Variants in EPPK1 observed in about 807,000 individuals in gnomAD.
The protein encoded by EPPK1 is epiplakin 1.
For missense variants in EPPK1, 3,823 were observed against 3,673.3 expected, an observed-to-expected ratio of 1.04 and a Z score of -1.05; for synonymous variants, 1,862 against 1,721.2, an observed-to-expected ratio of 1.08 and a Z score of -2.03.
In EPPK1 at chr8:143,869,847, G is replaced by C. The variant is rs571639648; in HGVS notation, c.3407C>G (p.Pro1136Arg). The C allele has an allele frequency of 4.4e-6, 7 of 1,598,998 alleles. No individual in the cohort carries two copies. The highest frequency in any genetic ancestry group is 3.4e-5 in the South Asian group (3 of 88,628). ...GAGGGATGTGCCATCCTTGGCCCCC[G>C]GCACGGCCTGCAGGCTCCTCTGGAC... is the stretch of plus-strand genomic sequence containing the variant. ...EQVQRSLQAV[P>R]GAKDGTSLWD... Residue 1136 changes from proline to arginine, a missense_variant, in exon 2 of 2, where the codon CCG (proline) becomes CGG (arginine). By Grantham distance (103) the Pro-to-Arg change is moderately radical. Coordinates refer to ENST00000615648, the MANE Select transcript of EPPK1 (RefSeq NM_031308.4).
chr8:143,875,948 C>G (rs1819469319), intron 1 of EPPK1, among the ~76,000 whole-genome samples: 1 of 152,048 alleles, frequency 6.6e-6, no homozygotes, highest in Admixed American at 6.5e-5. Context: ...TGGCCCCCAC[C>G]CCCCACCCCC....
rs988880343 is a variant in EPPK1 at position 143,872,616 on chromosome 8, T to C, written c.638A>G (p.Gln213Arg). ...GGCACGCACACACCTTTCCAGCAGCTGGTGGTATGTCAGCCGCTCCAGCGT... is the reference window on the plus strand; with the variant it reads ...GGCACGCACACACCTTTCCAGCAGCCGGTGGTATGTCAGCCGCTCCAGCGT... ...PNTLERLTYH[Q>R]LLERCVRAPG... Residue 213 changes from glutamine to arginine, a missense_variant, in exon 2 of 2, where the codon CAG becomes CGG. By Grantham distance (43) the Gln-to-Arg change is conservative (BLOSUM62 1). Transcript: ENST00000615648. 3.7e-6 allele frequency: 6 copies of C among 1,610,502 alleles called. No individual in the cohort carries two copies. The highest frequency in any genetic ancestry group is 5.1e-6 in the Non-Finnish European group (6 of 1,179,596).
chr8:143,857,871 G>T lies in EPPK1; in HGVS notation c.*116C>A, dbSNP rs1256790746. Reference sequence around the variant, plus strand: ...AACGTTTTCCACAGATAACGAATGGGTAAAACAACAAAATTAAAGAATGAC... The same window carrying T: ...AACGTTTTCCACAGATAACGAATGGTTAAAACAACAAAATTAAAGAATGAC... On this transcript the variant is annotated 3_prime_UTR_variant, in exon 2 of 2. Transcript: ENST00000615648. The T allele has an allele frequency of 1.3e-6, 1 of 749,070 alleles. No individual in the cohort carries two copies. Among genetic ancestry groups the T allele is most frequent in the African/African-American group, 2.3e-5 (1 of 44,426 alleles). 46.4% of individuals were successfully genotyped at this position (749,070 alleles called of 1,614,324 possible).
At position 143,866,889 on chromosome 8, in the gene EPPK1, A is replaced by AGTGTT. The variant is rs781797299; in HGVS notation, c.6360_6364dup (p.Leu2122GlnfsTer7). On this transcript the variant is annotated frameshift_variant, in exon 2 of 2. Coordinates refer to ENST00000615648, the MANE Select transcript of EPPK1 (RefSeq NM_031308.4). LOFTEE classifies it low-confidence loss of function (END_TRUNC). ...GTATTCGGAATTCAGTAGTGCCCAC[A>AGTGTT]GTGTTGGTTTCTGGCCTCTGAACCT... 1.2e-4 allele frequency: 187 copies of AGTGTT among 1,613,020 alleles called. No individual in the cohort carries two copies. Among genetic ancestry groups the AGTGTT allele is most frequent in the Non-Finnish European group, 1.5e-4 (180 of 1,179,882 alleles).
At position 143,873,260 on chromosome 8, in the gene EPPK1, C is replaced by T. The variant is rs781941240; in HGVS notation, c.-7G>A. On this transcript the variant is annotated 5_prime_UTR_variant, in exon 2 of 2. It adds an upstream start codon to the 5' untranslated region. Transcript: ENST00000615648. The stretch of plus-strand genomic sequence containing the variant: ...GCAAGGTGTGGCCACTCATCACACA[C>T]GGCTGGTTATGCAGAGCCTGCTGAG... 43 of 1,540,400 alleles carry T rather than the reference C, an allele frequency of 2.8e-5. No homozygotes were observed. Among genetic ancestry groups the T allele is most frequent in the African/African-American group, 9.6e-5 (7 of 72,560 alleles).
chr8:143,867,623 C>G lies in EPPK1; in HGVS notation c.5631G>C (p.Arg1877Ser). ...GCGTGCTGAGTGCCTGTCCCCCAGTCCTCCCCACACGAAGTGTGTGCAGGG... is the reference window on the plus strand; with the variant it reads ...GCGTGCTGAGTGCCTGTCCCCCAGTGCTCCCCACACGAAGTGTGTGCAGGG... Reference protein sequence around the residue: ...QKTLHTLRVGRTGGQALSTLE... With the variant: ...QKTLHTLRVGSTGGQALSTLE... The change falls in exon 2 of 2, where the codon AGG becomes AGC. Residue 1877 changes from arginine to serine, a missense_variant. Transcript: ENST00000615648. 1 of 1,613,302 alleles carries G rather than the reference C, an allele frequency of 6.2e-7. No individual in the cohort carries two copies.
chr8:143,872,847 G>T lies in EPPK1; in HGVS notation c.407C>A (p.Ala136Asp), dbSNP rs782720515. The T allele has an allele frequency of 1.7e-5, 26 of 1,564,324 alleles. No individual in the cohort carries two copies. The South Asian group carries it at 3.1e-4, about 19-fold the overall frequency. ...YGGEKLALFQ[A>D]IGKEVVDRAL... ...CCTGTCCACAACCTCCTTCCCGATG[G>T]CCTGAAAGAGGGCCAGCTTCTCACC... Residue 136 changes from alanine (A) to aspartate (D), a missense_variant, in exon 2 of 2, where the codon GCC becomes GAC. Physicochemically the swap from Ala to Asp is moderately radical, Grantham distance 126. Transcript: ENST00000615648.
In EPPK1 at chr8:143,870,638, C is replaced by T. The variant is rs1554660852; in HGVS notation, c.2616G>A (p.Thr872=). 10 of 1,606,090 alleles carry T rather than the reference C, an allele frequency of 6.2e-6. No homozygotes were observed. Among genetic ancestry groups the T allele is most frequent in the South Asian group, 3.3e-5 (3 of 90,008 alleles). Residue 872 remains threonine, a synonymous_variant, in exon 2 of 2, where the codon ACG becomes ACA. Transcript: ENST00000615648. The surrounding 1 kb of genome is among the most constrained non-coding windows in gnomAD (Gnocchi z 5.2). ...GCAGCATGATGTCCGCCTGTCTCTG[C>T]GTCTCCGCCTCCAGCAGCTTTGCCA... ...GQVAKLLEAE[T]QRQADIMLPA...
chr8:143,869,027 C>T lies in EPPK1; in HGVS notation c.4227G>A (p.Arg1409=). Residue 1409 remains arginine (R), a synonymous_variant, in exon 2 of 2, where the codon CGG becomes CGA. Coordinates refer to ENST00000615648, the MANE Select transcript of EPPK1 (RefSeq NM_031308.4). ...TGAGCTGCTGGTAGGTCACCTGGTC[C>T]CGCGCACTGGGGTCAAAGAAGAACT... ...DNKFFFDPSA[R]DQVTYQQLRE... is the part of the protein sequence containing the mutation. 6.2e-7 allele frequency: 1 copy of T among 1,610,246 alleles called. No homozygotes were observed. Among genetic ancestry groups the T allele is most frequent in the East Asian group, 2.2e-5 (1 of 44,880 alleles).
intron 1 of EPPK1, among the ~76,000 whole-genome samples, chr8:143,876,109 T>C (rs1204609910): frequency 6.6e-6 from 1 of 152,226 alleles, no homozygotes; most frequent in Non-Finnish European, 1.5e-5. Context: ...AGGCCCATCA[T>C]GTCCCAGGAG....
At position 143,870,261 on chromosome 8, in the gene EPPK1, T is replaced by C. The variant is rs1021086283; in HGVS notation, c.2993A>G (p.Tyr998Cys). ...ACCCTCAGCCCGCTTCAGCCTGCCATACAGCTCCGGCCCCACCACACCCCT... is the reference window on the plus strand; with the variant it reads ...ACCCTCAGCCCGCTTCAGCCTGCCACACAGCTCCGGCCCCACCACACCCCT... ...VRRGVVGPELYGRLKRAEGAI... is the reference protein window; with the variant it reads ...VRRGVVGPELCGRLKRAEGAI... Residue 998 changes from tyrosine to cysteine, a missense_variant, in exon 2 of 2, where the codon TAT (tyrosine) becomes TGT (cysteine). Physicochemically the swap from Tyr to Cys is radical, Grantham distance 194. Transcript: ENST00000615648. The surrounding 1 kb of genome is among the most constrained non-coding windows in gnomAD (Gnocchi z 5.2). 2.5e-6 allele frequency: 4 copies of C among 1,598,012 alleles called. No homozygotes were observed. The highest frequency in any genetic ancestry group is 1.1e-5 in the South Asian group (1 of 89,106).
chr8:143,865,908 C>T lies in EPPK1; in HGVS notation c.7346G>A (p.Gly2449Asp). 2.8e-5 allele frequency: 1 copy of T among 35,914 alleles called. No homozygotes were observed. Among genetic ancestry groups the T allele is most frequent in the Non-Finnish European group, 4.2e-5 (1 of 23,906 alleles). 2.2% of individuals were successfully genotyped at this position (35,914 alleles called of 1,614,324 possible). A position where few individuals can be genotyped will look rare whatever the true frequency, so the allele number is the denominator to read the frequency against. ...GAGCTCCCAGACGGAGACGCTCTGG[C>T]CCTGGAGGGCGCCCGAGCCTGGCGT... ...RVTPGSGALQ[G>D]QSVSVWELLF... Residue 2449 changes from glycine (G) to aspartate (D), a missense_variant, in exon 2 of 2, where the codon GGC (glycine) becomes GAC (aspartate). Physicochemically the swap from Gly to Asp is moderately conservative, Grantham distance 94 (BLOSUM62 -1). Coordinates refer to ENST00000615648, the MANE Select transcript of EPPK1 (RefSeq NM_031308.4).
At position 143,868,558 on chromosome 8, in the gene EPPK1, A is replaced by G. The variant is rs782104048; in HGVS notation, c.4696T>C (p.Ser1566Pro). Reference sequence around the variant, plus strand: ...GCAATGAAGTTGCCTCCCTCCAGGGACCGCTTCACGCTGTCCATCTCCGCC... The same window carrying G: ...GCAATGAAGTTGCCTCCCTCCAGGGGCCGCTTCACGCTGTCCATCTCCGCC... Reference protein sequence around the residue: ...EVAEMDSVKRSLEGGNFIAGV... With the variant: ...EVAEMDSVKRPLEGGNFIAGV... Residue 1566 changes from serine (S) to proline (P), a missense_variant, in exon 2 of 2, where the codon TCC (serine) becomes CCC (proline). Transcript: ENST00000615648. The G allele has an allele frequency of 1.2e-5, 19 of 1,604,446 alleles. No individual in the cohort carries two copies. The highest frequency in any genetic ancestry group is 1.4e-5 in the Non-Finnish European group (16 of 1,176,180).
Position 143,866,486 on chromosome 8 carries a change from G to A in EPPK1, c.6768C>T (p.Pro2256=), listed in dbSNP as rs1290351511. The A allele has an allele frequency of 8.7e-5, 134 of 1,535,214 alleles. 3 individuals are homozygous for A. In the South Asian group the frequency reaches 1.4e-3, roughly 16 times the overall value. The part of the protein sequence containing the change: ...YQAMWKGVLR[P]GTALVLLEAQ... ...CCTCCAGCAGCACCAGGGCCGTGCCGGGCCGCAGCACGCCCTTCCACATGG... is the reference window on the plus strand; with the variant it reads ...CCTCCAGCAGCACCAGGGCCGTGCCAGGCCGCAGCACGCCCTTCCACATGG... Residue 2256 remains proline (P), a synonymous_variant, in exon 2 of 2, where the codon CCC becomes CCT. Transcript: ENST00000615648.
chr8:143,871,732 C>A lies in EPPK1; in HGVS notation c.1522G>T (p.Val508Leu). ...GAGAAGAGCAGCTCCCAGAGGGACA[C>A]GGGCCGGCCCCGGAACTTCCCCACA... ...VSVGKFRGRP[V>L]SLWELLFSEA... The change falls in exon 2 of 2, where the codon GTG (valine) becomes TTG (leucine). Residue 508 changes from valine (V) to leucine (L), a missense_variant. Physicochemically the swap from Val to Leu is conservative, Grantham distance 32. Transcript: ENST00000615648. 6.2e-7 allele frequency: 1 copy of A among 1,609,044 alleles called. No individual in the cohort carries two copies. Among genetic ancestry groups the A allele is most frequent in the Non-Finnish European group, 8.5e-7 (1 of 1,178,500 alleles).
rs369489967 is a variant in EPPK1 at position 143,872,750 on chromosome 8, G to A, written c.504C>T (p.Leu168=). 253 of 1,592,656 alleles carry A rather than the reference G, an allele frequency of 1.6e-4. 3 individuals are homozygous for A. The South Asian group carries it at 2.5e-3, about 16-fold the overall frequency. The change falls in exon 2 of 2, where the codon CTC becomes CTT. Residue 168 remains leucine (L), a synonymous_variant. Coordinates refer to ENST00000615648, the MANE Select transcript of EPPK1 (RefSeq NM_031308.4). ...GGTGGCAGGCTGGCTCAGGGGCCAC[G>A]AGCACTCCCTGGGCGGGGTCCACCA... ...GGLVDPAQGV[L]VAPEPACHQG... is the part of the protein sequence containing the mutation.
upstream of EPPK1, among the ~76,000 whole-genome samples, chr8:143,878,826 G>A (rs1321682395): frequency 1.3e-5 from 2 of 151,996 alleles, no homozygotes; most frequent in Admixed American, 6.5e-5. Flanking sequence ...TGGTGTCCCT[G>A]CCTCCAGCCC....
chr8:143,873,735 GCA>G (rs1819427526), intron 1 of EPPK1, among the ~76,000 whole-genome samples: 2 of 125,332 alleles, frequency 1.6e-5, no homozygotes. Flanking sequence ...CTCAGCCTGG[GCA>G]CCGGCATCTC....
Position 143,866,981 on chromosome 8 carries a change from G to C in EPPK1, c.6273C>G (p.Asp2091Glu). 1 of 1,612,798 alleles carries C rather than the reference G, an allele frequency of 6.2e-7. No homozygotes were observed. Among genetic ancestry groups the C allele is most frequent in the Non-Finnish European group, 8.5e-7 (1 of 1,179,882 alleles). The change falls in exon 2 of 2, where the codon GAC becomes GAG. Residue 2091 changes from aspartate (D) to glutamate (E), a missense_variant. By Grantham distance (45) the Asp-to-Glu change is conservative. Coordinates refer to ENST00000615648, the MANE Select transcript of EPPK1 (RefSeq NM_031308.4). ...TCGTCTCGTCATCGATGTGCTCGGAGTCCCGTGCAGCCTTGTTCACTGGGA... is the reference window on the plus strand; with the variant it reads ...TCGTCTCGTCATCGATGTGCTCGGACTCCCGTGCAGCCTTGTTCACTGGGA... Reference protein sequence around the residue: ...LLFPVNKAARDSEHIDDETRR... With the variant: ...LLFPVNKAARESEHIDDETRR...
Sources: allele counts gnomAD v4.1 joint callset (sites outside exome capture counted in the v4.1 genomes callset), GRCh38; gene constraint gnomAD v4.1.1; non-coding constraint Gnocchi (gnomAD v3.1); transcripts MANE v1.5; gene names NCBI Gene and HGNC (gene_info 2026-07-23, HGNC 2026-07-21).